The following CSMD2 variants were observed in gnomAD, a reference collection of about 807,000 sequenced individuals.
CSMD2 encodes CUB and Sushi multiple domains 2, also known as CUB and sushi domain-containing protein 2.
In CSMD2, 130 loss-of-function variants were observed where a neutral mutation model predicts 398.5. That is an observed-to-expected ratio of 0.33 (90% CI 0.28 to 0.38). The LOEUF is 0.38. CSMD2 is among the 10% of genes least tolerant of loss of function. CSMD2 has a pLI of 1.00. For missense variants in CSMD2, 3,829 were observed against 4,764.9 expected (o/e 0.80, Z 5.78); for synonymous variants, 1,828 against 1,908.5 (o/e 0.96, Z 1.10).
chr1:34,084,930 CAT>C (rs1657683196), intron 2 of CSMD2, among the ~76,000 whole-genome samples: 1 of 152,154 alleles, frequency 6.6e-6, no homozygotes, highest in Non-Finnish European at 1.5e-5. Context: ...CACATGTACA[CAT>C]ATGTTTATTG....
At chr1:33,788,573 T>G (rs370924940) in intron 12 of CSMD2, 27 bp downstream of exon 12, 83 of 1,273,600 alleles carry the variant, frequency 6.5e-5, no homozygotes, top group Non-Finnish European at 8.4e-5. Flanking sequence ...CAGGACACAG[T>G]TCATCTGGCT....
At chr1:34,104,920 C>CT (rs1222726436) in intron 1 of CSMD2, among the ~76,000 whole-genome samples, 1 of 152,202 alleles carries the variant, frequency 6.6e-6, no homozygotes, top group African/African-American at 2.4e-5. Flanking sequence ...ACCTGCAGTG[C>CT]TTGGCCCTTT....
chr1:33,973,762 G>A (rs1048476633), intron 3 of CSMD2, among the ~76,000 whole-genome samples: 7 of 152,190 alleles, frequency 4.6e-5, no homozygotes, highest in African/African-American at 1.7e-4. Context: ...GCCTGAGCAG[G>A]GACAGGCTCT....
intron 13 of CSMD2, among the ~76,000 whole-genome samples, chr1:33,756,041 T>C (rs1193448708): frequency 6.6e-6 from 1 of 152,188 alleles, no homozygotes; most frequent in East Asian, 1.9e-4. Context: ...ACACTTTGGT[T>C]CTTCCATAAT....
intron 3 of CSMD2, among the ~76,000 whole-genome samples, chr1:34,015,847 G>A (rs1202569896): frequency 1.3e-5 from 2 of 152,178 alleles, no homozygotes; most frequent in Admixed American, 6.5e-5. Flanking sequence ...CCCCTATGCA[G>A]TTCAGCCAAG....
At chr1:33,807,836 A>C (rs1656397198) in intron 10 of CSMD2, among the ~76,000 whole-genome samples, 1 of 152,178 alleles carries the variant, frequency 6.6e-6, no homozygotes, top group Non-Finnish European at 1.5e-5. Flanking sequence ...CTTTAGTTAA[A>C]AGACAAATGG....
chr1:33,577,541 T>C (rs1338860963), intron 48 of CSMD2, 57 bp from the exon 49 acceptor site: 3 of 1,482,652 alleles, frequency 2.0e-6, no homozygotes, highest in Admixed American at 3.8e-5. Context: ...AGACATGGTC[T>C]TTCATGCAGG....
chr1:33,740,175 C>T (rs915392590), intron 14 of CSMD2, among the ~76,000 whole-genome samples: 1 of 152,176 alleles, frequency 6.6e-6, no homozygotes, highest in Non-Finnish European at 1.5e-5. Flanking sequence ...AGTTCCCTTC[C>T]TTCTTCCCTC....
intron 12 of CSMD2, 80 bp downstream of exon 12, chr1:33,788,520 A>AAG: frequency 2.4e-6 from 2 of 833,180 alleles, no homozygotes; most frequent in Middle Eastern, 2.3e-4. Flanking sequence ...AAAAAAAAAA[A>AAG]AAAAAAATTC....
chr1:33,989,013 CATAT>C (rs71029018), intron 3 of CSMD2, among the ~76,000 whole-genome samples: 185 of 94,302 alleles, frequency 2.0e-3, no homozygotes, highest in Admixed American at 2.2e-3. Context: ...TCTCTCTCTC[CATAT>C]ATATATATAT....
chr1:34,150,075 C>CTTTTTTTTTTTTTTTTTTTTTTTTTTT, intron 1 of CSMD2, among the ~76,000 whole-genome samples: 1 of 119,624 alleles, frequency 8.4e-6, no homozygotes, highest in Non-Finnish European at 1.8e-5. Context: ...CATTTTTCTT[C>CTTTTTTTTTTTTTTTTTTTTTTTTTTT]TTTCTTTTTT....
chr1:33,821,558 T>C (rs1207717628), intron 7 of CSMD2, among the ~76,000 whole-genome samples: 1 of 152,180 alleles, frequency 6.6e-6, no homozygotes, highest in Admixed American at 6.5e-5. Flanking sequence ...ACTTTGCGCA[T>C]GTCCCTCCCA....
At chr1:33,907,400 T>TAC (rs1643165446) in intron 5 of CSMD2, among the ~76,000 whole-genome samples, 1 of 152,056 alleles carries the variant, frequency 6.6e-6, no homozygotes, top group African/African-American at 2.4e-5. Flanking sequence ...GTGCTGGGAT[T>TAC]ACAGGTGAGA....
At chr1:33,650,984 C>A (rs1194909474) in intron 28 of CSMD2, among the ~76,000 whole-genome samples, 1 of 152,194 alleles carries the variant, frequency 6.6e-6, no homozygotes, top group East Asian at 1.9e-4. Context: ...ATTTTTGGGA[C>A]TCATCCACGT....
At chr1:33,739,954 G>GATTT (rs1246263616) in intron 14 of CSMD2, among the ~76,000 whole-genome samples, 1 of 152,168 alleles carries the variant, frequency 6.6e-6, no homozygotes, top group Non-Finnish European at 1.5e-5. Flanking sequence ...GAACGCTGTA[G>GATTT]ATTTAATCAT....
At chr1:34,165,597 C>A (rs201580024), upstream of CSMD2, 13 of 656,416 alleles carry the variant, frequency 2.0e-5, no homozygotes, top group East Asian at 3.4e-4. Flanking sequence ...CACACACACA[C>A]AAACACACAC....
chr1:33,920,672 T>A (rs1240705196), intron 4 of CSMD2, among the ~76,000 whole-genome samples: 1 of 151,632 alleles, frequency 6.6e-6, no homozygotes, highest in Non-Finnish European at 1.5e-5. Flanking sequence ...TTACTCGGAA[T>A]GAGTTGAGAA....
intron 3 of CSMD2, among the ~76,000 whole-genome samples, chr1:33,967,296 A>G (rs1645594257): frequency 6.6e-6 from 1 of 151,942 alleles, no homozygotes; most frequent in Admixed American, 6.6e-5. Context: ...TAGTCTATAA[A>G]GATATTTGAG....
At chr1:33,555,642 C>T (rs897315123) in intron 55 of CSMD2, among the ~76,000 whole-genome samples, 9 of 152,134 alleles carry the variant, frequency 5.9e-5, no homozygotes, top group East Asian at 1.9e-4. Flanking sequence ...TTCACCACCC[C>T]GATCAGTTTG....
Sources: allele counts gnomAD v4.1 joint callset (sites outside exome capture counted in the v4.1 genomes callset), GRCh38; gene constraint gnomAD v4.1.1; transcripts MANE v1.5; gene names NCBI Gene and HGNC (gene_info 2026-07-23, HGNC 2026-07-21).